KMT2C: variants seen among roughly 807,000 people sequenced by gnomAD.
KMT2C encodes lysine methyltransferase 2C, also known as histone-lysine N-methyltransferase 2C.
In KMT2C, 88 loss-of-function variants were observed where a neutral mutation model predicts 507.9. The ratio of observed to expected loss-of-function variants is 0.17; its 90% CI spans 0.15 to 0.21. The LOEUF (loss-of-function observed/expected upper bound fraction) is 0.21. KMT2C is among the 10% of genes least tolerant of loss of function. KMT2C has a pLI of 1.00. For missense variants in KMT2C, 4,954 were observed against 5,957.8 expected, an observed-to-expected ratio of 0.83 and a Z score of 5.55; for synonymous variants, 2,049 against 2,080.8, an observed-to-expected ratio of 0.98 and a Z score of 0.42.
Position 152,182,600 on chromosome 7 carries a change from A to G in KMT2C, c.5266-6T>C. ...TTACTTTTCTGACGCATTTGCTATTAAAATAGAAAAGAAAAAGCAATCATA... is the reference window on the plus strand; with the variant it reads ...TTACTTTTCTGACGCATTTGCTATTGAAATAGAAAAGAAAAAGCAATCATA... On this transcript the variant is annotated splice_polypyrimidine_tract_variant and splice_region_variant and intron_variant, in intron 35 of 58. Coordinates refer to ENST00000262189, the MANE Select transcript of KMT2C (RefSeq NM_170606.3). 6.5e-7 allele frequency: 1 copy of G among 1,538,684 alleles called. No individual in the cohort carries two copies. Among genetic ancestry groups the G allele is most frequent in the Non-Finnish European group, 8.7e-7 (1 of 1,144,736 alleles).
At chr7:152,346,903 G>A (rs1260416933) in intron 2 of KMT2C, among the ~76,000 whole-genome samples, 1 of 151,794 alleles carries the variant, frequency 6.6e-6, no homozygotes, top group Non-Finnish European at 1.5e-5. Flanking sequence ...GAGGCGGGCG[G>A]ATCAGGAGGT....
At chr7:152,412,001 C>A (rs2097689363) in intron 1 of KMT2C, among the ~76,000 whole-genome samples, 1 of 152,252 alleles carries the variant, frequency 6.6e-6, no homozygotes, top group Non-Finnish European at 1.5e-5. Flanking sequence ...ATAAATAGAT[C>A]TTCAATGTGT....
chr7:152,330,525 T>C, intron 3 of KMT2C, 76 bp downstream of exon 3: 9 of 1,424,884 alleles, frequency 6.3e-6, no homozygotes, highest in Non-Finnish European at 8.8e-6. Context: ...CTCATACTCC[T>C]TGAATTTTCT....
chr7:152,416,252 T>C (rs577672694), intron 1 of KMT2C, among the ~76,000 whole-genome samples: 372 of 152,008 alleles, frequency 2.4e-3, no homozygotes, highest in African/African-American at 8.6e-3. Flanking sequence ...ATACAAAAAT[T>C]AGTCAGGCGT....
chr7:152,364,191 T>TAAGGG (rs1221853442), intron 1 of KMT2C, among the ~76,000 whole-genome samples: 7 of 152,196 alleles, frequency 4.6e-5, no homozygotes, highest in Non-Finnish European at 8.8e-5. Context: ...CATAATCCAA[T>TAAGGG]AATCCAGCTA....
chr7:152,282,449 C>T (rs199552732), intron 6 of KMT2C, among the ~76,000 whole-genome samples: 531 of 134,334 alleles, frequency 4.0e-3, no homozygotes, highest in South Asian at 7.8e-3. Context: ...AAATGCCCAA[C>T]GGTAAAATAA....
chr7:152,238,556 A>T, intron 15 of KMT2C, 151 bp downstream of exon 15: 1 of 602,402 alleles, frequency 1.7e-6, no homozygotes, highest in South Asian at 3.2e-5. Flanking sequence ...TTTAAATGCA[A>T]GCATATTATT....
chr7:152,340,699 A>C (rs2096983322), intron 2 of KMT2C, among the ~76,000 whole-genome samples: 1 of 152,180 alleles, frequency 6.6e-6, no homozygotes, highest in Admixed American at 6.5e-5. Flanking sequence ...GAGAGTTAAC[A>C]CTTTTACAGG....
intron 3 of KMT2C, among the ~76,000 whole-genome samples, chr7:152,320,932 T>C (rs916024441): frequency 2.0e-5 from 3 of 152,016 alleles, no homozygotes; most frequent in Non-Finnish European, 4.4e-5. Context: ...GTATAATAAA[T>C]GGATAACTTA....
chr7:152,291,788 C>T (rs1005838826), intron 6 of KMT2C, among the ~76,000 whole-genome samples: 3 of 152,246 alleles, frequency 2.0e-5, no homozygotes, highest in African/African-American at 7.2e-5. Flanking sequence ...TGATATTACT[C>T]CCAACGTCCT....
At chr7:152,185,962 T>C (rs1294776311) in intron 33 of KMT2C, among the ~76,000 whole-genome samples, 1 of 152,188 alleles carries the variant, frequency 6.6e-6, no homozygotes, top group East Asian at 1.9e-4. Context: ...AGTACAAGTT[T>C]GTAAAACATC....
At chr7:152,371,983 C>T (rs1376910143) in intron 1 of KMT2C, among the ~76,000 whole-genome samples, 1 of 151,774 alleles carries the variant, frequency 6.6e-6, no homozygotes, top group African/African-American at 2.4e-5. Flanking sequence ...AAATCAAAAG[C>T]ATATCACTAC....
At chr7:152,266,709 G>C (rs1285893298) in intron 7 of KMT2C, among the ~76,000 whole-genome samples, 3 of 152,302 alleles carry the variant, frequency 2.0e-5, no homozygotes, top group Non-Finnish European at 2.9e-5. Context: ...AAATATTTTA[G>C]GCTTTGTGAG....
chr7:152,421,418 C>A (rs959205690), intron 1 of KMT2C, among the ~76,000 whole-genome samples: 2 of 152,126 alleles, frequency 1.3e-5, no homozygotes, highest in Non-Finnish European at 2.9e-5. Context: ...AGAAATCGTT[C>A]TACCATAAAG....
rs577158254 is a variant in KMT2C, at chr7:152,144,186, TGGA to T, written c.14343+524_14343+526del. The stretch of plus-strand genomic sequence containing the variant: ...AGGAGAAAAATGCTGAACAGGCATT[TGGA>T]TATTTGGGTCTGCAGCTCAGGAAGT... On this transcript the variant is annotated intron_variant, in intron 55 of 58. Coordinates refer to ENST00000262189, the MANE Select transcript of KMT2C (RefSeq NM_170606.3). This position sits in a 1 kb window ranked among gnomAD's most constrained non-coding sequence, Gnocchi z 4.4. Among the ~76,000 whole-genome samples the T allele has an allele frequency of 4.6e-3, 708 of 152,288 alleles. 3 individuals carry two copies. Among genetic ancestry groups the T allele is most frequent in the Middle Eastern group, 0.01 (3 of 294 alleles).
Position 152,182,043 on chromosome 7 carries a change from A to C in KMT2C, c.5817T>G (p.Asn1939Lys). Reference protein sequence around the residue: ...LSSVSRPLQMNETTANRPSPV... With the variant: ...LSSVSRPLQMKETTANRPSPV... ...GGGATGGCCTATTTGCTGTTGTCTC[A>C]TTCATTTGAAGGGGCCTAGATACCG... The change falls in exon 36 of 59, where the codon AAT (asparagine) becomes AAG (lysine). Residue 1939 changes from asparagine to lysine, a missense_variant. Coordinates refer to ENST00000262189, the MANE Select transcript of KMT2C (RefSeq NM_170606.3). The C allele has an allele frequency of 1.2e-6, 2 of 1,614,184 alleles. No homozygotes were observed. Among genetic ancestry groups the C allele is most frequent in the Non-Finnish European group, 8.5e-7 (1 of 1,180,024 alleles).
At chr7:152,294,685 T>G (rs1200563279) in intron 6 of KMT2C, among the ~76,000 whole-genome samples, 2 of 152,150 alleles carry the variant, frequency 1.3e-5, no homozygotes, top group African/African-American at 4.8e-5. Context: ...AAATAAATAT[T>G]ATTAGGTTTT....
At chr7:152,268,098 G>A (rs189437388) in intron 7 of KMT2C, among the ~76,000 whole-genome samples, 1 of 151,866 alleles carries the variant, frequency 6.6e-6, no homozygotes, top group Non-Finnish European at 1.5e-5. Context: ...GGGCCAACAT[G>A]GTGAAACCCC....
At position 152,148,908 on chromosome 7, in the gene KMT2C, C is replaced by T. The variant is rs2091378715; in HGVS notation, c.13019G>A (p.Gly4340Asp). 6.2e-7 allele frequency: 1 copy of T among 1,613,878 alleles called. No homozygotes were observed. The highest frequency in any genetic ancestry group is 1.3e-5 in the African/African-American group (1 of 74,930). ...GAGCGGCCTGCAATCTTCAAACCCACCATGGACAGCTCTTAGCCGAGGCTT... is the reference window on the plus strand; with the variant it reads ...GAGCGGCCTGCAATCTTCAAACCCATCATGGACAGCTCTTAGCCGAGGCTT... ...KLKPRLRAVH[G>D]GFEDCRPLNK... Residue 4340 changes from glycine (G) to aspartate (D), a missense_variant, in exon 52 of 59, where the codon GGT (glycine) becomes GAT (aspartate). Transcript: ENST00000262189. This position sits in a 1 kb window ranked among gnomAD's most constrained non-coding sequence, Gnocchi z 7.1.
Sources: allele counts gnomAD v4.1 joint callset (sites outside exome capture counted in the v4.1 genomes callset), GRCh38; gene constraint gnomAD v4.1.1; non-coding constraint Gnocchi (gnomAD v3.1); transcripts MANE v1.5; gene names NCBI Gene and HGNC (gene_info 2026-07-23, HGNC 2026-07-21).